BRINP3: variants seen among roughly 807,000 people sequenced by gnomAD.
The protein encoded by BRINP3 is BMP/retinoic acid-inducible neural-specific protein 3.
A neutral mutation model predicts 71.0 loss-of-function variants in BRINP3; 19 were observed. The observed-to-expected ratio is 0.27, with a 90% CI of 0.19 to 0.39. The LOEUF (loss-of-function observed/expected upper bound fraction) is 0.39. BRINP3 is among the 10% of genes least tolerant of loss of function. The pLI, the probability that BRINP3 is intolerant of heterozygous loss-of-function variation, is 1.00. For missense variants in BRINP3, 959 were observed against 940.8 expected (o/e 1.02, Z -0.25); for synonymous variants, 380 against 337.7 (o/e 1.13, Z -1.37).
chr1:190,125,255 A>G (rs1017983752), intron 7 of BRINP3, among the ~76,000 whole-genome samples: 4 of 151,890 alleles, frequency 2.6e-5, no homozygotes, highest in Non-Finnish European at 5.9e-5. Flanking sequence ...GTAATAGTGA[A>G]CATGTCTATA....
chr1:190,325,609 T>TG (rs1571752587), intron 2 of BRINP3, among the ~76,000 whole-genome samples: 2 of 152,196 alleles, frequency 1.3e-5, no homozygotes, highest in East Asian at 3.9e-4. Flanking sequence ...ACAGAAAGCC[T>TG]GGACCACTCG....
At chr1:190,476,282 A>C (rs1022140590) in intron 1 of BRINP3, among the ~76,000 whole-genome samples, 6 of 150,182 alleles carry the variant, frequency 4.0e-5, no homozygotes, top group Non-Finnish European at 8.9e-5. Flanking sequence ...GAAAAGCGTG[A>C]ACAATAGGTT....
intron 6 of BRINP3, among the ~76,000 whole-genome samples, chr1:190,213,225 G>T (rs1020304793): frequency 6.6e-6 from 1 of 152,018 alleles, no homozygotes; most frequent in Admixed American, 6.6e-5. Flanking sequence ...GTATGGCAAG[G>T]TATTGCACTC....
intron 1 of BRINP3, among the ~76,000 whole-genome samples, chr1:190,462,793 C>G (rs541452347): frequency 1.3e-5 from 2 of 152,038 alleles, no homozygotes; most frequent in East Asian, 3.9e-4. Flanking sequence ...TAAAAATAAC[C>G]AATTGCAAAT....
At chr1:190,168,214 T>C (rs1651722220) in intron 6 of BRINP3, among the ~76,000 whole-genome samples, 3 of 144,610 alleles carry the variant, frequency 2.1e-5, no homozygotes, top group Admixed American at 6.9e-5. Context: ...AATTTGTATA[T>C]ATATATATAT....
chr1:190,347,422 G>A lies in BRINP3; in HGVS notation c.237-65672C>T, dbSNP rs934945919. Among the ~76,000 whole-genome samples, 4 of 152,150 alleles carry A rather than the reference G, an allele frequency of 2.6e-5. 1 individual carries two copies. Among genetic ancestry groups the A allele is most frequent in the South Asian group, 4.1e-4 (2 of 4,832 alleles). On this transcript the variant is annotated intron_variant, in intron 2 of 7. Coordinates refer to ENST00000367462, the MANE Select transcript of BRINP3 (RefSeq NM_199051.3). ...CCCAAAGTGCTGGGATTACAGGCATGAGCCACCGCGCCCAGCTGACACTAT... is the reference window on the plus strand; with the variant it reads ...CCCAAAGTGCTGGGATTACAGGCATAAGCCACCGCGCCCAGCTGACACTAT...
Position 190,281,497 on chromosome 1 carries a change from C to T in BRINP3, c.427+63G>A, listed in dbSNP as rs1663034461. 5.5e-6 allele frequency: 8 copies of T among 1,455,226 alleles called. No homozygotes were observed. In the South Asian group the frequency reaches 8.9e-5, roughly 16 times the overall value. The allele number at this position is 1,455,226 out of a possible 1,614,324, so 90.1% of individuals were successfully genotyped here. A position where few individuals can be genotyped will look rare whatever the true frequency, so the allele number is the denominator to read the frequency against. On this transcript the variant is annotated intron_variant, in intron 3 of 7. Transcript: ENST00000367462. ...GCTATCTTGATTAATTAACACTTTT[C>T]TGCGATTTATACGGTTTTAGGCACA...
chr1:190,450,690 CCT>C (rs1675548543), intron 2 of BRINP3, among the ~76,000 whole-genome samples: 2 of 151,784 alleles, frequency 1.3e-5, no homozygotes, highest in African/African-American at 2.4e-5. Flanking sequence ...AAGTTTTTTT[CCT>C]CTGTTTTCTT....
chr1:190,142,056 G>GA (rs976617303), intron 7 of BRINP3, among the ~76,000 whole-genome samples: 2 of 152,032 alleles, frequency 1.3e-5, no homozygotes, highest in African/African-American at 4.8e-5. Context: ...AAATATGGGA[G>GA]AAAATCTGTT....
At chr1:190,433,047 T>A (rs1230129776) in intron 2 of BRINP3, among the ~76,000 whole-genome samples, 1 of 152,212 alleles carries the variant, frequency 6.6e-6, no homozygotes, top group Non-Finnish European at 1.5e-5. Context: ...ATTGTTTCAT[T>A]AACCTAGTTA....
intron 2 of BRINP3, among the ~76,000 whole-genome samples, chr1:190,327,636 G>A (rs1666702291): frequency 2.0e-5 from 3 of 152,016 alleles, no homozygotes; most frequent in Admixed American, 2.0e-4. Context: ...TAATATTGGA[G>A]CACAGAAATT....
intron 2 of BRINP3, among the ~76,000 whole-genome samples, chr1:190,300,537 T>G (rs1436883311): frequency 2.6e-5 from 4 of 152,202 alleles, no homozygotes; most frequent in African/African-American, 9.6e-5. Flanking sequence ...GTCTGACAGA[T>G]TTGAAGAGAG....
At chr1:190,124,772 AG>A (rs1230535296) in intron 7 of BRINP3, among the ~76,000 whole-genome samples, 1 of 152,082 alleles carries the variant, frequency 6.6e-6, no homozygotes, top group African/African-American at 2.4e-5. Flanking sequence ...CAGGGAAGGG[AG>A]AAGAGTGGTT....
chr1:190,288,193 CTTAA>C (rs1663581019), intron 2 of BRINP3, among the ~76,000 whole-genome samples: 1 of 151,732 alleles, frequency 6.6e-6, no homozygotes, highest in Admixed American at 6.6e-5. Context: ...AAAATTACTC[CTTAA>C]TTACATTCAT....
intron 4 of BRINP3, among the ~76,000 whole-genome samples, chr1:190,262,825 T>C (rs1040651583): frequency 2.6e-5 from 4 of 152,194 alleles, no homozygotes; most frequent in Non-Finnish European, 4.4e-5. Context: ...ATTATTCCCA[T>C]TTGTATTAAC....
intron 6 of BRINP3, among the ~76,000 whole-genome samples, chr1:190,170,982 T>C (rs1651958842): frequency 6.6e-6 from 1 of 152,092 alleles, no homozygotes; most frequent in African/African-American, 2.4e-5. Context: ...TTTTTCCAAG[T>C]GTGATGCCTG....
intron 6 of BRINP3, among the ~76,000 whole-genome samples, chr1:190,164,475 T>C (rs1167276795): frequency 6.6e-6 from 1 of 152,194 alleles, no homozygotes; most frequent in Non-Finnish European, 1.5e-5. Context: ...ATTCATATTA[T>C]TGTGCTAATT....
intron 4 of BRINP3, among the ~76,000 whole-genome samples, chr1:190,258,007 C>T (rs768753633): frequency 1.3e-5 from 2 of 152,194 alleles, no homozygotes; most frequent in Non-Finnish European, 2.9e-5. Context: ...GGAACCACTG[C>T]TATTTTCAGA....
At chr1:190,135,357 G>T (rs1654884317) in intron 7 of BRINP3, among the ~76,000 whole-genome samples, 1 of 152,012 alleles carries the variant, frequency 6.6e-6, no homozygotes, top group African/African-American at 2.4e-5. Flanking sequence ...TCTTCCATTT[G>T]TTAGTAGAAT....
Sources: allele counts gnomAD v4.1 joint callset (sites outside exome capture counted in the v4.1 genomes callset), GRCh38; gene constraint gnomAD v4.1.1; transcripts MANE v1.5; gene names NCBI Gene and HGNC (gene_info 2026-07-23, HGNC 2026-07-21).